The following NCAM1 variants were observed in gnomAD, a reference collection of about 807,000 sequenced individuals.
NCAM1 encodes the protein antigen recognized by monoclonal antibody 5.1H11.
Under a neutral mutation model 109.8 loss-of-function variants are expected in NCAM1, and 14 were observed. That is an observed-to-expected ratio of 0.13 (90% CI 0.08 to 0.20). The LOEUF is 0.20. Ranked by LOEUF, NCAM1 falls within the 10% of genes least tolerant of loss-of-function variation. The pLI is 1.00. For synonymous variants in NCAM1, 418 were observed against 442.9 expected (o/e 0.94, Z 0.70); for missense variants, 774 against 1,109.9 (o/e 0.70, Z 4.30).
chr11:113,236,602 T>C (rs1945174990), intron 14 of NCAM1, among the ~76,000 whole-genome samples: 1 of 152,176 alleles, frequency 6.6e-6, no homozygotes, highest in Non-Finnish European at 1.5e-5. Context: ...ACGGCAAAGA[T>C]GGTGTTTGCT....
chr11:113,116,249 T>A (rs1555094855), intron 1 of NCAM1, among the ~76,000 whole-genome samples: 1 of 152,260 alleles, frequency 6.6e-6, no homozygotes, highest in Non-Finnish European at 1.5e-5. Flanking sequence ...AACTATTTGT[T>A]GCTTGAGTAC....
intron 2 of NCAM1, among the ~76,000 whole-genome samples, chr11:113,202,808 C>T (rs1555112133): frequency 6.6e-6 from 1 of 152,228 alleles, no homozygotes; most frequent in Non-Finnish European, 1.5e-5. Flanking sequence ...AGCACTGGCT[C>T]AGAAACAATA....
intron 1 of NCAM1, among the ~76,000 whole-genome samples, chr11:113,011,796 A>G (rs1250670475): frequency 5.3e-5 from 8 of 152,330 alleles, no homozygotes; most frequent in Non-Finnish European, 1.0e-4. Context: ...AACACTGTCA[A>G]TGTCTTGAAG....
intron 1 of NCAM1, among the ~76,000 whole-genome samples, chr11:113,000,308 A>C (rs554550964): frequency 8.5e-5 from 13 of 152,288 alleles, no homozygotes; most frequent in Middle Eastern, 3.4e-3. Flanking sequence ...GGAACAGAGA[A>C]TCACACAAAT....
intron 1 of NCAM1, among the ~76,000 whole-genome samples, chr11:113,092,067 C>T (rs143687057): frequency 2.6e-5 from 4 of 152,088 alleles, no homozygotes; most frequent in South Asian, 2.1e-4. Context: ...GCCTTCCTCT[C>T]GGTGGAAACT....
intron 1 of NCAM1, among the ~76,000 whole-genome samples, chr11:113,192,386 G>A (rs116361475): frequency 6.0e-5 from 9 of 150,068 alleles, no homozygotes; most frequent in Admixed American, 1.3e-4. Context: ...GTGCTGGCCC[G>A]CAATAAGGGT....
chr11:113,233,430 A>C lies in NCAM1; in HGVS notation c.1693+113A>C. The C allele has an allele frequency of 8.5e-7, 1 of 1,181,596 alleles. No homozygotes were observed. Among genetic ancestry groups the C allele is most frequent in the Middle Eastern group, 2.4e-4 (1 of 4,092 alleles). The allele number at this position is 1,181,596 out of a possible 1,614,324, so 73.2% of individuals were successfully genotyped here. ...CAGAATCAGGAACTGCACCTCCAGAATTAGGTCAAAGTCATATCTGCCTGT... is the reference window on the plus strand; with the variant it reads ...CAGAATCAGGAACTGCACCTCCAGACTTAGGTCAAAGTCATATCTGCCTGT... On this transcript the variant is annotated intron_variant, in intron 13 of 19. Coordinates refer to ENST00000316851, the MANE Select transcript of NCAM1 (RefSeq NM_181351.5). This position sits in a 1 kb window ranked among gnomAD's most constrained non-coding sequence, Gnocchi z 4.5.
At position 113,275,455 on chromosome 11, in the gene NCAM1, A is replaced by G. The variant is rs1293319221; in HGVS notation, c.*68A>G. Reference sequence around the variant, plus strand: ...CAGCAGCTTCACCAGAGCATTTCCAACACCACAGACACACACACGCACGCA... The same window carrying G: ...CAGCAGCTTCACCAGAGCATTTCCAGCACCACAGACACACACACGCACGCA... On this transcript the variant is annotated 3_prime_UTR_variant, in exon 20 of 20. Coordinates refer to ENST00000316851, the MANE Select transcript of NCAM1 (RefSeq NM_181351.5). The G allele has an allele frequency of 2.6e-6, 4 of 1,548,516 alleles. No individual in the cohort carries two copies. The African/African-American group carries it at 4.1e-5, about 16-fold the overall frequency.
rs185508516 is a variant in NCAM1 at position 113,243,903 on chromosome 11, T to C, written c.1826-2465T>C. ...TTGCATGAAATGGTTCTTTTTTTTC[T>C]ACTGCAGAACACAGCTAAGGGTCTG... On this transcript the variant is annotated intron_variant, in intron 14 of 19. Coordinates refer to ENST00000316851, the MANE Select transcript of NCAM1 (RefSeq NM_181351.5). 180 of 193,904 alleles carry C rather than the reference T, an allele frequency of 9.3e-4. 2 individuals are homozygous for C. The highest frequency in any genetic ancestry group is 2.5e-3 in the Middle Eastern group (1 of 404). 12.0% of individuals were successfully genotyped at this position (193,904 alleles called of 1,614,324 possible).
At chr11:113,191,877 G>GT (rs1231313681) in intron 1 of NCAM1, among the ~76,000 whole-genome samples, 1 of 152,090 alleles carries the variant, frequency 6.6e-6, no homozygotes, top group Non-Finnish European at 1.5e-5. Flanking sequence ...GTAAGCCTTT[G>GT]TATCTTCAAT....
intron 6 of NCAM1, 26 bp downstream of exon 6, chr11:113,207,404 T>C (rs1555113053): frequency 6.3e-7 from 1 of 1,574,922 alleles, no homozygotes; most frequent in Non-Finnish European, 8.7e-7. Flanking sequence ...ATACCTTTTA[T>C]CATGGACTAG....
At chr11:113,184,403 A>G (rs1371813896) in intron 1 of NCAM1, among the ~76,000 whole-genome samples, 2 of 152,238 alleles carry the variant, frequency 1.3e-5, no homozygotes, top group African/African-American at 4.8e-5. Context: ...AAAGCTTTCT[A>G]TGCTCAAAGT....
At chr11:113,180,975 T>C (rs1943312270) in intron 1 of NCAM1, among the ~76,000 whole-genome samples, 1 of 152,218 alleles carries the variant, frequency 6.6e-6, no homozygotes, top group Non-Finnish European at 1.5e-5. Context: ...GAGTCTTGCG[T>C]CTGGGATGAG....
chr11:113,012,593 G>A (rs1179127933), intron 1 of NCAM1, among the ~76,000 whole-genome samples: 6 of 152,118 alleles, frequency 3.9e-5, no homozygotes, highest in East Asian at 1.9e-4. Flanking sequence ...GTATTTCTTC[G>A]CCTCTTCCCC....
At chr11:113,236,837 G>A (rs1366445106) in intron 14 of NCAM1, among the ~76,000 whole-genome samples, 1 of 152,214 alleles carries the variant, frequency 6.6e-6, no homozygotes, top group African/African-American at 2.4e-5. Context: ...CTTGGTAGCT[G>A]GAGGGGAATA....
chr11:113,162,998 A>T (rs577536922), intron 1 of NCAM1, among the ~76,000 whole-genome samples: 1 of 152,252 alleles, frequency 6.6e-6, no homozygotes, highest in African/African-American at 2.4e-5. Flanking sequence ...TCACACTCAA[A>T]TTCCCCTAGT....
intron 1 of NCAM1, among the ~76,000 whole-genome samples, chr11:113,092,886 T>C (rs1939417159): frequency 6.6e-6 from 1 of 152,204 alleles, no homozygotes; most frequent in South Asian, 2.1e-4. Context: ...TTCACAGCAG[T>C]GGTTCCCAAA....
chr11:113,135,717 A>G lies in NCAM1; in HGVS notation c.53-66662A>G, dbSNP rs552566105. 1.3e-4 allele frequency among the ~76,000 whole-genome samples: 20 copies of G among 152,350 alleles called. No individual in the cohort carries two copies. In the East Asian group the frequency reaches 3.5e-3, roughly 26 times the overall value. On this transcript the variant is annotated intron_variant, in intron 1 of 19. Transcript: ENST00000316851. ...CTATGCAACTGCCAGAGCCACCTGC[A>G]ATGCCATGGAGGCAAGGTGATTTAA...
chr11:113,231,553 C>T, intron 9 of NCAM1, 92 bp from the exon 10 acceptor site: 2 of 1,286,156 alleles, frequency 1.6e-6, no homozygotes, highest in Non-Finnish European at 2.2e-6. Flanking sequence ...CAAGTGATGG[C>T]CTAGTCTCCC....
Sources: gnomAD v4.1 joint callset for allele counts (sites outside exome capture counted in the v4.1 genomes callset) on GRCh38, gnomAD v4.1.1 for gene constraint, Gnocchi (gnomAD v3.1) non-coding constraint, MANE v1.5 for transcripts, NCBI Gene and HGNC (gene_info 2026-07-23, HGNC 2026-07-21) for gene names.